Variants in DPP3 observed in about 807,000 individuals in gnomAD.
DPP3 encodes DPP III.
A neutral mutation model predicts 89.8 loss-of-function variants in DPP3; 64 were observed. The ratio of observed to expected loss-of-function variants is 0.71; its 90% CI spans 0.58 to 0.88. The LOEUF is 0.88. Ranked by LOEUF, DPP3 falls within the 40% of genes least tolerant of loss-of-function variation. DPP3 has a pLI of 0.00. For missense variants in DPP3, 835 were observed against 972.5 expected, an observed-to-expected ratio of 0.86 and a Z score of 1.88; for synonymous variants, 377 against 404.3, an observed-to-expected ratio of 0.93 and a Z score of 0.81.
intron 2 of DPP3, 122 bp downstream of exon 2, chr11:66,482,592 G>T (rs1855119187): frequency 2.2e-6 from 3 of 1,380,702 alleles, no homozygotes; most frequent in Admixed American, 2.3e-5. Flanking sequence ...ACAAATTCAG[G>T]CACTTCCCCT....
At position 66,509,145 on chromosome 11, in the gene DPP3, G is replaced by T. The variant is rs775773853; in HGVS notation, c.2108G>T (p.Arg703Leu). The change falls in exon 18 of 18, where the codon CGT becomes CTT. Residue 703 changes from arginine to leucine, a missense_variant. Physicochemically the swap from Arg to Leu is moderately radical, Grantham distance 102. Coordinates refer to ENST00000531863, the MANE Select transcript of DPP3 (RefSeq NM_130443.4). ...GGCCTCATCCGATCCTTCTCTGAGC[G>T]TTTCCCAGAGGATGGACCCGAGTTG... Reference protein sequence around the residue: ...AAGLIRSFSERFPEDGPELEE... With the variant: ...AAGLIRSFSELFPEDGPELEE... 1 of 1,614,046 alleles carries T rather than the reference G, an allele frequency of 6.2e-7. No individual in the cohort carries two copies. The highest frequency in any genetic ancestry group is 1.3e-5 in the African/African-American group (1 of 74,922).
chr11:66,482,394 G>A lies in DPP3; in HGVS notation c.194G>A (p.Arg65His), dbSNP rs202184719. The change falls in exon 2 of 18, where the codon CGC (arginine) becomes CAC (histidine). Residue 65 changes from arginine to histidine, a missense_variant. Coordinates refer to ENST00000531863, the MANE Select transcript of DPP3 (RefSeq NM_130443.4). ...EAPYIYALLSRLFRAQDPDQL... is the reference protein window; with the variant it reads ...EAPYIYALLSHLFRAQDPDQL... ...CCCTACATCTATGCTCTGCTCAGCC[G>A]CCTCTTCCGCGCCCAGGACCCCGAC... is the stretch of plus-strand genomic sequence containing the variant. 81 of 1,611,112 alleles carry A rather than the reference G, an allele frequency of 5.0e-5. No individual in the cohort carries two copies. Among genetic ancestry groups the A allele is most frequent in the Middle Eastern group, 3.3e-4 (2 of 6,062 alleles).
intron 2 of DPP3, among the ~76,000 whole-genome samples, chr11:66,484,815 A>T (rs1247301569): frequency 6.6e-6 from 1 of 152,160 alleles, no homozygotes; most frequent in Non-Finnish European, 1.5e-5. Context: ...GACAGGTCAG[A>T]GGCTGAGGAC....
chr11:66,506,328 C>T (rs970376071), intron 17 of DPP3, among the ~76,000 whole-genome samples: 2 of 151,592 alleles, frequency 1.3e-5, no homozygotes, highest in Non-Finnish European at 2.9e-5. Flanking sequence ...GATCTTGGCC[C>T]ACTGCAATCT....
At chr11:66,507,831 C>G (rs912230192) in intron 17 of DPP3, among the ~76,000 whole-genome samples, 5 of 152,054 alleles carry the variant, frequency 3.3e-5, no homozygotes, top group African/African-American at 1.2e-4. Context: ...GCACCCACCA[C>G]CATGCCCAGC....
chr11:66,494,759 A>G (rs1287655247), intron 12 of DPP3, among the ~76,000 whole-genome samples: 2 of 152,166 alleles, frequency 1.3e-5, no homozygotes, highest in African/African-American at 2.4e-5. Context: ...GATTCAAAGG[A>G]TGCTGCATGA....
chr11:66,497,691 G>C (rs1334612671), intron 16 of DPP3, among the ~76,000 whole-genome samples: 1 of 152,136 alleles, frequency 6.6e-6, no homozygotes, highest in African/African-American at 2.4e-5. Flanking sequence ...AGGAGTTCGA[G>C]ACTAGCCTGG....
At chr11:66,499,981 A>G (rs1226876236) in intron 16 of DPP3, among the ~76,000 whole-genome samples, 2 of 152,114 alleles carry the variant, frequency 1.3e-5, no homozygotes, top group African/African-American at 4.8e-5. Context: ...TCAGGCATCC[A>G]CTACATGGTC....
rs552045961 is a variant in DPP3, at chr11:66,493,794, C to T, written c.1389+161C>T. Reference sequence around the variant, plus strand: ...CAGAGAAGACCCTGTCTTGCCCTCCCTCAAGATGTCCCAGGAGCTCAGATG... The same window carrying T: ...CAGAGAAGACCCTGTCTTGCCCTCCTTCAAGATGTCCCAGGAGCTCAGATG... On this transcript the variant is annotated intron_variant, in intron 12 of 17. Coordinates refer to ENST00000531863, the MANE Select transcript of DPP3 (RefSeq NM_130443.4). Among the ~76,000 whole-genome samples, 801 of 152,322 alleles carry T rather than the reference C, an allele frequency of 5.3e-3. 2 individuals carry two copies. Among genetic ancestry groups the T allele is most frequent in the Non-Finnish European group, 8.7e-3 (595 of 68,012 alleles).
intron 16 of DPP3, among the ~76,000 whole-genome samples, chr11:66,499,078 AGGTGCTGGGCGC>A (rs1855616409): frequency 6.6e-6 from 1 of 152,112 alleles, no homozygotes; most frequent in Admixed American, 6.6e-5. Context: ...GTCTTACACT[AGGTGCTGGGCGC>A]GGTGGCTCAC....
chr11:66,485,648 A>G (rs554492336), intron 3 of DPP3, among the ~76,000 whole-genome samples: 36 of 152,334 alleles, frequency 2.4e-4, no homozygotes, highest in African/African-American at 8.4e-4. Flanking sequence ...TGGTTCTTAT[A>G]GCAGGTATAA....
chr11:66,482,537 T>C (rs1416393731), intron 2 of DPP3, 67 bp downstream of exon 2: 1 of 1,569,632 alleles, frequency 6.4e-7, no homozygotes, highest in Non-Finnish European at 8.6e-7. Flanking sequence ...AGGATGCAAA[T>C]GTCTGTCTCT....
At chr11:66,497,774 C>T (rs924010813) in intron 16 of DPP3, among the ~76,000 whole-genome samples, 1 of 151,906 alleles carries the variant, frequency 6.6e-6, no homozygotes, top group African/African-American at 2.4e-5. Context: ...ACCTGTAGTT[C>T]CAGCTACTCT....
At chr11:66,492,495 C>T (rs1855417965) in intron 9 of DPP3, 9 of 502,664 alleles carry the variant, frequency 1.8e-5, no homozygotes, top group African/African-American at 8.0e-5. Context: ...AAGGGGCAGG[C>T]GGCCCAGGGG....
At position 66,499,228 on chromosome 11, in the gene DPP3, T is replaced by A. The variant is rs919722726; in HGVS notation, c.1878+1751T>A. ...ATACAAAAAAATTAGCTGGGCATGGTGGCTGGTGCCTGTAATCCCAGCTAC... is the reference window on the plus strand; with the variant it reads ...ATACAAAAAAATTAGCTGGGCATGGAGGCTGGTGCCTGTAATCCCAGCTAC... On this transcript the variant is annotated intron_variant, in intron 16 of 17. Transcript: ENST00000531863. Among the ~76,000 whole-genome samples, 4 of 151,804 alleles carry A rather than the reference T, an allele frequency of 2.6e-5. No individual in the cohort carries two copies. The East Asian group carries it at 7.8e-4, about 30-fold the overall frequency.
chr11:66,483,047 A>G (rs1855132653), intron 2 of DPP3: 2 of 140,844 alleles, frequency 1.4e-5, no homozygotes, highest in Admixed American at 7.1e-5. Flanking sequence ...TTTTTTTGTG[A>G]CAGAGTCTCA....
chr11:66,505,655 T>G (rs1009407158), intron 17 of DPP3, among the ~76,000 whole-genome samples: 6 of 152,150 alleles, frequency 3.9e-5, no homozygotes, highest in Non-Finnish European at 8.8e-5. Flanking sequence ...GCACAAGGCT[T>G]ATGGCTTTTT....
chr11:66,508,463 A>G (rs1855858113), intron 17 of DPP3, among the ~76,000 whole-genome samples: 1 of 152,164 alleles, frequency 6.6e-6, no homozygotes, highest in African/African-American at 2.4e-5. Flanking sequence ...TGTGAGCTTC[A>G]GGACACCAAG....
chr11:66,489,109 C>T (rs989843192), intron 6 of DPP3, among the ~76,000 whole-genome samples: 5 of 152,228 alleles, frequency 3.3e-5, no homozygotes, highest in South Asian at 4.1e-4. Context: ...AGGTGATCCG[C>T]GTGCCTCTCG....
Sources: allele counts gnomAD v4.1 joint callset (sites outside exome capture counted in the v4.1 genomes callset), GRCh38; gene constraint gnomAD v4.1.1; transcripts MANE v1.5; gene names NCBI Gene and HGNC (gene_info 2026-07-23, HGNC 2026-07-21).